The following FUT8 variants were observed in gnomAD, a reference collection of about 807,000 sequenced individuals.
The protein encoded by FUT8 is fucosyltransferase 8.
FUT8 carries 29 observed loss-of-function variants against 71.3 expected under a neutral mutation model. The ratio of observed to expected loss-of-function variants is 0.41; its 90% CI spans 0.30 to 0.55. The LOEUF is 0.55. Ranked by LOEUF, FUT8 falls within the 20% of genes least tolerant of loss-of-function variation. The pLI is 0.34. For missense variants in FUT8, 544 were observed against 702.1 expected (o/e 0.77, Z 2.55); for synonymous variants, 254 against 239.3 (o/e 1.06, Z -0.57).
chr14:65,720,107 C>T (rs1467462525), intron 7 of FUT8, among the ~76,000 whole-genome samples: 1 of 152,142 alleles, frequency 6.6e-6, no homozygotes, highest in Non-Finnish European at 1.5e-5. Flanking sequence ...GAGCCAGCAT[C>T]TGGAGTTGGA....
At chr14:65,541,403 A>G (rs1884671375) in intron 2 of FUT8, among the ~76,000 whole-genome samples, 1 of 152,222 alleles carries the variant, frequency 6.6e-6, no homozygotes, top group Non-Finnish European at 1.5e-5. Context: ...CAAAGGCCAG[A>G]AAACCAGGGG....
chr14:65,441,170 T>C (rs977365541), intron 1 of FUT8, among the ~76,000 whole-genome samples: 4 of 152,128 alleles, frequency 2.6e-5, no homozygotes, highest in African/African-American at 4.8e-5. Context: ...GGCAGGTAAC[T>C]TTTAATTTTC....
intron 1 of FUT8, among the ~76,000 whole-genome samples, chr14:65,439,090 A>G (rs1043462527): frequency 5.9e-5 from 9 of 152,304 alleles, no homozygotes; most frequent in Middle Eastern, 3.4e-3. Flanking sequence ...ATATGTCTAG[A>G]TCACTAACAG....
chr14:65,615,738 T>C (rs1214237344), intron 3 of FUT8, among the ~76,000 whole-genome samples: 2 of 152,232 alleles, frequency 1.3e-5, no homozygotes, highest in Non-Finnish European at 2.9e-5. Context: ...TGTTAACTCC[T>C]AGAAGATCAT....
chr14:65,607,646 C>T lies in FUT8; in HGVS notation c.204-8332C>T, dbSNP rs1888652227. Among the ~76,000 whole-genome samples, 1 of 151,658 alleles carries T rather than the reference C, an allele frequency of 6.6e-6. No individual in the cohort carries two copies. The highest frequency in any genetic ancestry group is 1.5e-5 in the Non-Finnish European group (1 of 67,848). ...AATTAGTCTTTAATTTCTTTGTTAT[C>T]CTTGTCTACTTCTATATCAATCTTA... On this transcript the variant is annotated intron_variant, in intron 3 of 10. Transcript: ENST00000673929. This position sits in a 1 kb window ranked among gnomAD's most constrained non-coding sequence, Gnocchi z 4.1.
intron 3 of FUT8, among the ~76,000 whole-genome samples, chr14:65,590,836 A>G (rs1331714142): frequency 6.6e-6 from 1 of 151,966 alleles, no homozygotes; most frequent in African/African-American, 2.4e-5. Context: ...ACCTTCTGGC[A>G]CTCCATCTCC....
In FUT8 at chr14:65,685,029, A is replaced by G. The variant is rs767168901; in HGVS notation, c.835+15549A>G. On this transcript the variant is annotated intron_variant, in intron 7 of 10. Coordinates refer to ENST00000673929, the MANE Select transcript of FUT8 (RefSeq NM_001371533.1). ...GGGGCCACAGGTAAGAGAAACTCAC[A>G]GAAAAGGATTGTTGAATTTGTGGAT... Among the ~76,000 whole-genome samples the G allele has an allele frequency of 1.5e-4, 23 of 152,226 alleles. 1 individual carries two copies. Among genetic ancestry groups the G allele is most frequent in the Admixed American group, 3.9e-4 (6 of 15,278 alleles).
chr14:65,703,016 A>T lies in FUT8; in HGVS notation c.836-18759A>T, dbSNP rs1767853476. Among the ~76,000 whole-genome samples, 3 of 152,224 alleles carry T rather than the reference A, an allele frequency of 2.0e-5. No homozygotes were observed. The South Asian group carries it at 6.2e-4, about 31-fold the overall frequency. On this transcript the variant is annotated intron_variant, in intron 7 of 10. Transcript: ENST00000673929. ...TGCCTTGGCCTCCCAAAGTGCTGGG[A>T]TTACAGACGTTAGCCACTGCGCCCG...
chr14:65,631,079 C>T lies in FUT8; in HGVS notation c.597+1473C>T, dbSNP rs139059068. On this transcript the variant is annotated intron_variant, in intron 6 of 10. Coordinates refer to ENST00000673929, the MANE Select transcript of FUT8 (RefSeq NM_001371533.1). ...CTTGGCATGCTATCTTGGTCTCATACCCACATGGCCATTCATCAGAGGTGT... is the reference window on the plus strand; with the variant it reads ...CTTGGCATGCTATCTTGGTCTCATATCCACATGGCCATTCATCAGAGGTGT... Among the ~76,000 whole-genome samples, 513 of 152,300 alleles carry T rather than the reference C, an allele frequency of 3.4e-3. 1 individual carries two copies. Among genetic ancestry groups the T allele is most frequent in the Non-Finnish European group, 5.9e-3 (402 of 68,018 alleles).
chr14:65,605,122 A>G (rs1266055174), intron 3 of FUT8, among the ~76,000 whole-genome samples: 2 of 151,972 alleles, frequency 1.3e-5, no homozygotes, highest in African/African-American at 4.8e-5. Context: ...TTTACTATTT[A>G]TTCTCTATTA....
At chr14:65,560,029 G>A (rs1885821204) in intron 2 of FUT8, among the ~76,000 whole-genome samples, 1 of 152,058 alleles carries the variant, frequency 6.6e-6, no homozygotes, top group African/African-American at 2.4e-5. Context: ...GGAGTAAATG[G>A]GAAGGAAGTA....
In FUT8 at chr14:65,698,347, A is replaced by C. The variant is rs532474552; in HGVS notation, c.836-23428A>C. Reference sequence around the variant, plus strand: ...TGCCTGGAAAAGTGTACAGTAAAATAATAAAATTAACAAAAACAAGAATAA... The same window carrying C: ...TGCCTGGAAAAGTGTACAGTAAAATCATAAAATTAACAAAAACAAGAATAA... On this transcript the variant is annotated intron_variant, in intron 7 of 10. Coordinates refer to ENST00000673929, the MANE Select transcript of FUT8 (RefSeq NM_001371533.1). Among the ~76,000 whole-genome samples the C allele has an allele frequency of 2.0e-5, 3 of 152,340 alleles. No homozygotes were observed. The South Asian group carries it at 6.2e-4, about 32-fold the overall frequency.
chr14:65,631,728 T>A (rs1055682526), intron 6 of FUT8, among the ~76,000 whole-genome samples: 1 of 152,102 alleles, frequency 6.6e-6, no homozygotes, highest in Admixed American at 6.6e-5. Flanking sequence ...TTTCATAGGT[T>A]GTTGGAGTAC....
At chr14:65,535,950 A>G (rs530670304) in intron 2 of FUT8, among the ~76,000 whole-genome samples, 1 of 152,264 alleles carries the variant, frequency 6.6e-6, no homozygotes, top group East Asian at 1.9e-4. Flanking sequence ...TTGATTTATG[A>G]ATCTGGATAC....
the FUT8 span, among the ~76,000 whole-genome samples, chr14:65,385,641 G>A: frequency 6.6e-6 from 1 of 152,094 alleles, no homozygotes; most frequent in African/African-American, 2.4e-5. Flanking sequence ...TATTGAAAAT[G>A]ATAAAATAAT....
At chr14:65,717,392 T>A (rs1201924670) in intron 7 of FUT8, among the ~76,000 whole-genome samples, 5 of 133,178 alleles carry the variant, frequency 3.8e-5, no homozygotes, top group African/African-American at 1.5e-4. Flanking sequence ...GCAGAGACTC[T>A]CCTCACCTCC....
intron 9 of FUT8, 68 bp downstream of exon 9, chr14:65,724,391 C>A: frequency 1.1e-6 from 1 of 949,618 alleles, no homozygotes; most frequent in Non-Finnish European, 1.6e-6. Context: ...TTCTTACTTC[C>A]CATGACTTGT....
At position 65,560,083 on chromosome 14, in the gene FUT8, T is replaced by C. The variant is rs548650391; in HGVS notation, c.-227-1254T>C. Among the ~76,000 whole-genome samples the C allele has an allele frequency of 4.8e-3, 723 of 152,210 alleles. 3 individuals are homozygous for C. Among genetic ancestry groups the C allele is most frequent in the South Asian group, 8.9e-3 (43 of 4,826 alleles). The stretch of plus-strand genomic sequence containing the variant: ...CCTTTGATTTTCTTCTCTTTGAATA[T>C]TGGTGTTTTAAAAACAATTGAGATT... On this transcript the variant is annotated intron_variant, in intron 2 of 10. Transcript: ENST00000673929.
At chr14:65,448,423 T>C (rs1448970119) in intron 1 of FUT8, among the ~76,000 whole-genome samples, 1 of 152,172 alleles carries the variant, frequency 6.6e-6, no homozygotes, top group Non-Finnish European at 1.5e-5. Context: ...CAGCTAAGAT[T>C]TAGAATAATC....
Sources: gnomAD v4.1 joint callset for allele counts (sites outside exome capture counted in the v4.1 genomes callset) on GRCh38, gnomAD v4.1.1 for gene constraint, Gnocchi (gnomAD v3.1) non-coding constraint, MANE v1.5 for transcripts, NCBI Gene and HGNC (gene_info 2026-07-23, HGNC 2026-07-21) for gene names.